Variants in PCNT observed in about 807,000 individuals in gnomAD.
PCNT encodes the protein kendrin.
PCNT carries 319 observed loss-of-function variants against 380.4 expected under a neutral mutation model. The observed-to-expected ratio is 0.84, with a 90% CI of 0.77 to 0.92. The LOEUF is 0.92. PCNT is among the 40% of genes least tolerant of loss of function. The probability of loss-of-function intolerance (pLI) is 0.00; values close to 1 mark genes in which losing one functional copy is unlikely to be tolerated. For missense variants in PCNT, 4,400 were observed against 4,255.3 expected, an observed-to-expected ratio of 1.03 and a Z score of -0.95; for synonymous variants, 1,845 against 1,735.2, an observed-to-expected ratio of 1.06 and a Z score of -1.57.
In PCNT at chr21:46,444,742, T is replaced by C. The variant is rs980888442; in HGVS notation, c.9888T>C (p.Ser3296=). 2.7e-5 allele frequency: 44 copies of C among 1,613,194 alleles called. No individual in the cohort carries two copies. Among genetic ancestry groups the C allele is most frequent in the Non-Finnish European group, 3.6e-5 (43 of 1,179,560 alleles). The change falls in exon 46 of 47, where the codon TCT becomes TCC. Residue 3296 remains serine, a synonymous_variant. Transcript: ENST00000359568. ...NSRLERSLTA[S]QDPEHSLTEY... is the part of the protein sequence containing the mutation. The stretch of plus-strand genomic sequence containing the variant: ...GATTAGAAAGATCCCTGACTGCTTC[T>C]CAAGATCCAGAACATTCCTTGACAG...
chr21:46,412,717 G>T, intron 28 of PCNT, 120 bp from the exon 29 acceptor site: 1 of 1,054,844 alleles, frequency 9.5e-7, no homozygotes, highest in Non-Finnish European at 1.5e-6. Context: ...GGATGTCACT[G>T]CCACCTCCCT....
At chr21:46,443,149 G>A in intron 44 of PCNT, 1 of 164,298 alleles carries the variant, frequency 6.1e-6, no homozygotes, top group Non-Finnish European at 1.3e-5. Context: ...TGGGGCTTAG[G>A]CTGCCTGAAC....
At chr21:46,372,108 ACAGCACATGCACACATG>A (rs1423703872) in intron 15 of PCNT, among the ~76,000 whole-genome samples, 1 of 150,312 alleles carries the variant, frequency 6.7e-6, no homozygotes, top group Non-Finnish European at 1.5e-5. Context: ...ATGTGCATAC[ACAGCACATGCACACATG>A]CAGCACACTC....
Position 46,411,436 on chromosome 21 carries a change from T to G in PCNT, c.5363T>G (p.Leu1788Arg), listed in dbSNP as rs763680861. The G allele has an allele frequency of 1.9e-5, 31 of 1,612,128 alleles. No individual in the cohort carries two copies. Among genetic ancestry groups the G allele is most frequent in the Non-Finnish European group, 5.9e-6 (7 of 1,179,688 alleles). The part of the protein sequence containing the change: ...SQAGGPRGQA[L>R]QGELEAALEA... ...GCCGGGGGCCCTCGTGGGCAGGCCCTACAGGGCGAGCTCGAGGCTGCGCTG... is the reference window on the plus strand; with the variant it reads ...GCCGGGGGCCCTCGTGGGCAGGCCCGACAGGGCGAGCTCGAGGCTGCGCTG... Residue 1788 changes from leucine to arginine, a missense_variant, in exon 28 of 47, where the codon CTA becomes CGA. Leu to Arg is a moderately radical substitution (Grantham distance 102). Coordinates refer to ENST00000359568, the MANE Select transcript of PCNT (RefSeq NM_006031.6).
At chr21:46,377,958 A>G (rs115860569) in intron 15 of PCNT, among the ~76,000 whole-genome samples, 52 of 152,194 alleles carry the variant, frequency 3.4e-4, no homozygotes, top group African/African-American at 1.2e-3. Flanking sequence ...TCCTACGTAC[A>G]TAGACTCAGC....
chr21:46,404,364 G>A (rs907033806), intron 27 of PCNT, among the ~76,000 whole-genome samples: 2 of 152,186 alleles, frequency 1.3e-5, no homozygotes, highest in Non-Finnish European at 2.9e-5. Flanking sequence ...AGGTTCTGTC[G>A]GCTCTGTTTT....
intron 18 of PCNT, 59 bp from the exon 19 acceptor site, chr21:46,389,140 C>G: frequency 6.5e-7 from 1 of 1,536,292 alleles, no homozygotes; most frequent in Non-Finnish European, 9.0e-7. Context: ...TCTTGGCTGC[C>G]ATGGCCGCGG....
intron 2 of PCNT, 34 bp downstream of exon 2, chr21:46,326,623 G>C: frequency 6.3e-7 from 1 of 1,587,724 alleles, no homozygotes; most frequent in Non-Finnish European, 8.6e-7. Context: ...TGAACATTTC[G>C]CTTATCTTCT....
chr21:46,416,564 G>T lies in PCNT; in HGVS notation c.6646G>T (p.Val2216Phe). The change falls in exon 30 of 47, where the codon GTC becomes TTC. Residue 2216 changes from valine to phenylalanine, a missense_variant. Coordinates refer to ENST00000359568, the MANE Select transcript of PCNT (RefSeq NM_006031.6). ...TAEAGPRKSP[V>F]GMLDLSSWSS... ...AGAGGCTGGGCCCCGGAAGAGCCCGGTCGGGATGCTGGACCTGTCTTCCTG... is the reference window on the plus strand; with the variant it reads ...AGAGGCTGGGCCCCGGAAGAGCCCGTTCGGGATGCTGGACCTGTCTTCCTG... 6.2e-7 allele frequency: 1 copy of T among 1,612,144 alleles called. No individual in the cohort carries two copies. The highest frequency in any genetic ancestry group is 8.5e-7 in the Non-Finnish European group (1 of 1,179,200).
chr21:46,439,158 T>TCA (rs940952453), intron 41 of PCNT, among the ~76,000 whole-genome samples: 49 of 151,748 alleles, frequency 3.2e-4, no homozygotes, highest in African/African-American at 9.7e-4. Flanking sequence ...TCATACAAGT[T>TCA]CACACACACA....
At chr21:46,370,443 T>TG (rs1235435408) in intron 15 of PCNT, among the ~76,000 whole-genome samples, 1 of 132,058 alleles carries the variant, frequency 7.6e-6, no homozygotes, top group Non-Finnish European at 1.6e-5. Context: ...GCTAGGCAGC[T>TG]GGGGGGATAG....
chr21:46,333,978 G>A (rs900966976), intron 2 of PCNT, among the ~76,000 whole-genome samples: 5 of 152,116 alleles, frequency 3.3e-5, no homozygotes, highest in Non-Finnish European at 7.4e-5. Context: ...AGGCCAAGGC[G>A]GGCGGATCAC....
intron 34 of PCNT, 65 bp from the exon 35 acceptor site, chr21:46,428,330 C>G: frequency 6.8e-7 from 1 of 1,463,254 alleles, no homozygotes; most frequent in Non-Finnish European, 9.5e-7. Context: ...GGGCGGGCAG[C>G]AGGGAAGGCC....
At chr21:46,390,186 G>T (rs4819244) in intron 19 of PCNT, among the ~76,000 whole-genome samples, 2 of 152,128 alleles carry the variant, frequency 1.3e-5, no homozygotes, top group Non-Finnish European at 2.9e-5. Flanking sequence ...GGTGGCATGC[G>T]TCTGCGGTCC....
chr21:46,424,275 G>T (rs1444549054), intron 32 of PCNT, among the ~76,000 whole-genome samples: 3 of 152,226 alleles, frequency 2.0e-5, no homozygotes, highest in African/African-American at 4.8e-5. Flanking sequence ...AGTGGGCAGG[G>T]TAGGTGCTGG....
chr21:46,353,039 C>T (rs1569185452), intron 9 of PCNT, 65 bp from the exon 10 acceptor site: 2 of 1,342,962 alleles, frequency 1.5e-6, no homozygotes, highest in Non-Finnish European at 2.1e-6. Context: ...CAGGCTCTTG[C>T]CTCTCGCCTG....
chr21:46,371,981 C>A (rs1487280394), intron 15 of PCNT, among the ~76,000 whole-genome samples: 1 of 150,462 alleles, frequency 6.6e-6, no homozygotes, highest in Non-Finnish European at 1.5e-5. Context: ...CACATACACA[C>A]ATGCAGCACA....
intron 38 of PCNT, among the ~76,000 whole-genome samples, chr21:46,434,569 C>A (rs891010843): frequency 3.9e-5 from 6 of 152,248 alleles, no homozygotes; most frequent in Non-Finnish European, 5.9e-5. Context: ...TTCCTTGCCC[C>A]ATCGTGCAGT....
chr21:46,385,428 G>C (rs1265912231), intron 16 of PCNT, among the ~76,000 whole-genome samples: 1 of 152,232 alleles, frequency 6.6e-6, no homozygotes, highest in African/African-American at 2.4e-5. Context: ...ATTTCGAATT[G>C]CTGTTTGAGT....
Sources: allele counts gnomAD v4.1 joint callset (sites outside exome capture counted in the v4.1 genomes callset), GRCh38; gene constraint gnomAD v4.1.1; transcripts MANE v1.5; gene names NCBI Gene and HGNC (gene_info 2026-07-23, HGNC 2026-07-21).